MDFIC: variants seen among roughly 807,000 people sequenced by gnomAD.
MDFIC encodes the protein myoD family inhibitor domain-containing protein.
Under a neutral mutation model 23.2 loss-of-function variants are expected in MDFIC, and 17 were observed. That is an observed-to-expected ratio of 0.73 (90% CI 0.50 to 1.10). The LOEUF is 1.10. MDFIC is among the 50% of genes least tolerant of loss of function. MDFIC has a pLI of 0.00. For synonymous variants in MDFIC, 120 were observed against 115.2 expected, an observed-to-expected ratio of 1.04 and a Z score of -0.27; for missense variants, 356 against 316.6, an observed-to-expected ratio of 1.12 and a Z score of -0.95.
rs1016079720 is a variant in MDFIC at position 115,018,713 on chromosome 7, C to A, written c.*2778C>A. 1 of 152,306 alleles carries A rather than the reference C, an allele frequency of 6.6e-6. No homozygotes were observed. Among genetic ancestry groups the A allele is most frequent in the Non-Finnish European group, 1.5e-5 (1 of 67,842 alleles). 9.4% of individuals were successfully genotyped at this position (152,306 alleles called of 1,614,324 possible). A position where few individuals can be genotyped will look rare whatever the true frequency, so the allele number is the denominator to read the frequency against. ...TATTTTAAAACTGGACCTGTATTAT[C>A]CTGAATACACTATTTTGAAAATTTT... On this transcript the variant is annotated 3_prime_UTR_variant, in exon 5 of 5. Transcript: ENST00000393486.
chr7:114,928,680 T>A (rs1349432679), intron 2 of MDFIC, among the ~76,000 whole-genome samples: 2 of 152,158 alleles, frequency 1.3e-5, no homozygotes, highest in Non-Finnish European at 2.9e-5. Flanking sequence ...AGCTTGCATA[T>A]CTCTTCTGTA....
chr7:114,966,890 G>T, intron 3 of MDFIC, among the ~76,000 whole-genome samples: 1 of 152,094 alleles, frequency 6.6e-6, no homozygotes, highest in East Asian at 1.9e-4. Flanking sequence ...CTAGGAGATT[G>T]TTAATGGACA....
intron 2 of MDFIC, among the ~76,000 whole-genome samples, chr7:114,937,298 A>G (rs1193904158): frequency 6.6e-6 from 1 of 152,240 alleles, no homozygotes. Context: ...TGAGTAGGAC[A>G]TATTGTATTT....
At chr7:114,964,065 TA>T (rs1259995856) in intron 3 of MDFIC, among the ~76,000 whole-genome samples, 1 of 152,218 alleles carries the variant, frequency 6.6e-6, no homozygotes, top group East Asian at 1.9e-4. Context: ...TTTATTGTTC[TA>T]TTTTTTTATT....
intron 3 of MDFIC, among the ~76,000 whole-genome samples, chr7:114,946,848 C>T (rs4313084): frequency 0.81 from 123,395 of 152,130 alleles, 51,890 homozygotes; most frequent in Non-Finnish European, 0.92. Flanking sequence ...CTCTGTTATT[C>T]GGAGCTCTAT....
intron 4 of MDFIC, among the ~76,000 whole-genome samples, chr7:115,003,804 C>T (rs778277103): frequency 6.6e-6 from 1 of 152,170 alleles, no homozygotes; most frequent in Non-Finnish European, 1.5e-5. Context: ...AGGAATCACC[C>T]TTACTTTCTC....
chr7:114,974,735 G>T (rs1293124459), intron 3 of MDFIC, among the ~76,000 whole-genome samples: 2 of 152,066 alleles, frequency 1.3e-5, no homozygotes, highest in Non-Finnish European at 2.9e-5. Flanking sequence ...GTCAAAAGAA[G>T]TTCATGCTAT....
intron 3 of MDFIC, among the ~76,000 whole-genome samples, chr7:114,960,071 T>A (rs1318373468): frequency 1.3e-5 from 2 of 152,156 alleles, no homozygotes; most frequent in African/African-American, 2.4e-5. Flanking sequence ...ACTCATTCAC[T>A]GTGGGACACT....
intron 4 of MDFIC, among the ~76,000 whole-genome samples, chr7:114,982,361 G>A (rs1337909265): frequency 1.3e-5 from 2 of 152,092 alleles, no homozygotes; most frequent in East Asian, 3.9e-4. Context: ...TAGTGGCTAG[G>A]TGTCTTAGTC....
intron 3 of MDFIC, among the ~76,000 whole-genome samples, chr7:114,970,039 C>A (rs1793178492): frequency 6.6e-6 from 1 of 152,164 alleles, no homozygotes; most frequent in Admixed American, 6.5e-5. Context: ...AGGGAATGCA[C>A]CATTTTTCCC....
intron 3 of MDFIC, among the ~76,000 whole-genome samples, chr7:114,958,749 C>G (rs1240985231): frequency 2.0e-5 from 3 of 152,174 alleles, no homozygotes; most frequent in Admixed American, 2.0e-4. Flanking sequence ...GAAACTCCAT[C>G]TCAAGAAAAC....
chr7:114,942,421 T>C (rs1368989607), intron 3 of MDFIC, 24 bp downstream of exon 3: 4 of 1,554,110 alleles, frequency 2.6e-6, no homozygotes, highest in Non-Finnish European at 2.6e-6. Context: ...GAAAAAACTT[T>C]GAGTGATTTT....
chr7:114,953,423 A>C (rs1335076860), intron 3 of MDFIC, among the ~76,000 whole-genome samples: 1 of 152,236 alleles, frequency 6.6e-6, no homozygotes, highest in Non-Finnish European at 1.5e-5. Flanking sequence ...AGATGGAACA[A>C]TTTCAGGCTA....
chr7:114,981,114 T>C (rs184449265), intron 4 of MDFIC, among the ~76,000 whole-genome samples: 4 of 152,314 alleles, frequency 2.6e-5, no homozygotes, highest in African/African-American at 9.6e-5. Flanking sequence ...GGGAAAGCAA[T>C]GCAATTTTCT....
At chr7:114,989,151 G>A (rs1793560965) in intron 4 of MDFIC, among the ~76,000 whole-genome samples, 1 of 152,196 alleles carries the variant, frequency 6.6e-6, no homozygotes. Flanking sequence ...AGAAATGTGA[G>A]GGGGAGACAG....
intron 2 of MDFIC, among the ~76,000 whole-genome samples, chr7:114,939,928 A>G (rs1792505424): frequency 6.6e-6 from 1 of 152,222 alleles, no homozygotes. Flanking sequence ...AATGGCAGCA[A>G]GTATGTAGGA....
chr7:114,993,100 A>T (rs879006407), intron 4 of MDFIC, among the ~76,000 whole-genome samples: 2 of 152,132 alleles, frequency 1.3e-5, no homozygotes, highest in African/African-American at 4.8e-5. Context: ...GTATCCAGGA[A>T]TTTATCCATT....
At chr7:114,938,613 A>AAAG (rs1792478123) in intron 2 of MDFIC, among the ~76,000 whole-genome samples, 1 of 152,136 alleles carries the variant, frequency 6.6e-6, no homozygotes, top group Non-Finnish European at 1.5e-5. Context: ...AAAGTAGAGG[A>AAAG]CCATTGGCTT....
At position 114,967,634 on chromosome 7, in the gene MDFIC, G is replaced by T. The variant is rs78426943; in HGVS notation, c.218-11872G>T. On this transcript the variant is annotated intron_variant, in intron 3 of 4. Coordinates refer to ENST00000393486, the MANE Select transcript of MDFIC (RefSeq NM_001166345.3). ...CCAGGTCTTTATACATTTATTCTTT[G>T]TAATATCCCTTATTCCAAGAATGGT... Among the ~76,000 whole-genome samples the T allele has an allele frequency of 4.1e-3, 628 of 152,024 alleles. 37 individuals carry two copies. In the East Asian group the frequency reaches 0.11, roughly 27 times the overall value.
Sources: allele counts gnomAD v4.1 joint callset (sites outside exome capture counted in the v4.1 genomes callset), GRCh38; gene constraint gnomAD v4.1.1; transcripts MANE v1.5; gene names NCBI Gene and HGNC (gene_info 2026-07-23, HGNC 2026-07-21).